Variants in PCDHA9 observed in about 807,000 individuals in gnomAD.
PCDHA9 encodes protocadherin alpha 9.
In PCDHA9, 62 loss-of-function variants were observed where a neutral mutation model predicts 62.0. The observed-to-expected ratio is 1.00, with a 90% CI of 0.81 to 1.23. The LOEUF is 1.23. PCDHA9 is among the 50% of genes most tolerant of loss of function. PCDHA9 has a pLI of 0.00. For synonymous variants in PCDHA9, 557 were observed against 567.6 expected, an observed-to-expected ratio of 0.98 and a Z score of 0.27; for missense variants, 1,205 against 1,249.8, an observed-to-expected ratio of 0.96 and a Z score of 0.54.
chr5:140,946,974 G>A (rs1554217987), intron 1 of PCDHA9, among the ~76,000 whole-genome samples: 1 of 151,636 alleles, frequency 6.6e-6, no homozygotes, highest in African/African-American at 2.4e-5. Context: ...TTATAGAATA[G>A]AGGATTTTGA....
chr5:140,944,058 G>A (rs185843356), intron 1 of PCDHA9, among the ~76,000 whole-genome samples: 116 of 152,248 alleles, frequency 7.6e-4, no homozygotes, highest in African/African-American at 2.7e-3. Flanking sequence ...ATACAAAAAG[G>A]TTTCTTGTTA....
chr5:140,863,406 G>A (rs1228817689), intron 1 of PCDHA9: 1 of 800,564 alleles, frequency 1.2e-6, no homozygotes, highest in East Asian at 4.2e-5. Context: ...GCAAGCCCAC[G>A]CTGGTGTACC....
chr5:140,851,823 GT>G, intron 1 of PCDHA9: 1 of 963,106 alleles, frequency 1.0e-6, no homozygotes, highest in Non-Finnish European at 1.3e-6. Context: ...ACAGAAATCT[GT>G]TTTTTTAAAA....
chr5:140,871,699 C>A, intron 1 of PCDHA9: 1 of 891,286 alleles, frequency 1.1e-6, no homozygotes. Context: ...CTTCTTTAAC[C>A]AATAAATGTC....
intron 1 of PCDHA9, among the ~76,000 whole-genome samples, chr5:140,900,317 G>A (rs188830675): frequency 3.3e-4 from 50 of 151,512 alleles, no homozygotes; most frequent in Non-Finnish European, 6.2e-4. Context: ...CACTTTTGTC[G>A]CCCAGGCTGG....
chr5:140,923,986 G>A (rs1482099424), intron 1 of PCDHA9, among the ~76,000 whole-genome samples: 2 of 152,074 alleles, frequency 1.3e-5, no homozygotes, highest in African/African-American at 2.4e-5. Flanking sequence ...ATCCCTCTAG[G>A]TGCAGCTCAG....
At chr5:141,001,303 A>G (rs2098006866) in intron 3 of PCDHA9, among the ~76,000 whole-genome samples, 2 of 152,182 alleles carry the variant, frequency 1.3e-5, no homozygotes, top group Admixed American at 1.3e-4. Context: ...GCCCAGAGAT[A>G]TGAAATAATT....
At chr5:140,855,178 G>T (rs1170062889) in intron 1 of PCDHA9, among the ~76,000 whole-genome samples, 1 of 149,594 alleles carries the variant, frequency 6.7e-6, no homozygotes, top group African/African-American at 2.5e-5. Flanking sequence ...AAACAAATGT[G>T]GCCAAATTGA....
chr5:140,858,218 G>A, intron 1 of PCDHA9: 1 of 1,596,494 alleles, frequency 6.3e-7, no homozygotes. Context: ...GTGCTCGGCG[G>A]CGCCCACCGA....
intron 1 of PCDHA9, among the ~76,000 whole-genome samples, chr5:140,976,780 A>G (rs2096731008): frequency 6.6e-6 from 1 of 152,224 alleles, no homozygotes; most frequent in Non-Finnish European, 1.5e-5. Context: ...CTCTGACTAT[A>G]TAGCTACGCT....
At chr5:140,981,327 A>C (rs1330138417) in intron 2 of PCDHA9, among the ~76,000 whole-genome samples, 1 of 152,196 alleles carries the variant, frequency 6.6e-6, no homozygotes, top group Non-Finnish European at 1.5e-5. Context: ...TAATCCCAGC[A>C]CTTTGGGAGG....
At chr5:140,871,497 G>T in intron 1 of PCDHA9, 1 of 1,586,946 alleles carries the variant, frequency 6.3e-7, no homozygotes, top group East Asian at 2.3e-5. Context: ...CCGGACAGGT[G>T]AGTTTTCTAC....
intron 1 of PCDHA9, chr5:140,968,074 C>T (rs781940696): frequency 1.2e-6 from 2 of 1,614,020 alleles, no homozygotes; most frequent in African/African-American, 1.3e-5. Context: ...CTGTCTACAA[C>T]ATCACGGTGA....
chr5:140,921,257 A>G lies in PCDHA9; in HGVS notation c.2395-57692A>G, dbSNP rs115706395. On this transcript the variant is annotated intron_variant, in intron 1 of 3. Coordinates refer to ENST00000532602, the MANE Select transcript of PCDHA9 (RefSeq NM_031857.2). The stretch of plus-strand genomic sequence containing the variant: ...ATTAAGCCACAGATCAAAAAGTCCT[A>G]GACTTTTATACTTACTTGAAAAAAA... 1.4e-3 allele frequency among the ~76,000 whole-genome samples: 213 copies of G among 152,258 alleles called. 1 individual carries two copies. The highest frequency in any genetic ancestry group is 4.8e-3 in the African/African-American group (199 of 41,532).
intron 1 of PCDHA9, among the ~76,000 whole-genome samples, chr5:140,930,820 A>T (rs2153606213): frequency 6.6e-6 from 1 of 152,346 alleles, no homozygotes; most frequent in East Asian, 1.9e-4. Flanking sequence ...TGCTTAGTAA[A>T]TGCTGACTGA....
intron 3 of PCDHA9, among the ~76,000 whole-genome samples, chr5:140,999,635 A>C (rs2097866612): frequency 6.6e-6 from 1 of 152,192 alleles, no homozygotes; most frequent in Non-Finnish European, 1.5e-5. Flanking sequence ...AAGGTAGAGA[A>C]AACTGTGCAG....
At chr5:140,870,778 G>GACA (rs2052395482) in intron 1 of PCDHA9, 1 of 1,613,502 alleles carries the variant, frequency 6.2e-7, no homozygotes, top group Non-Finnish European at 8.5e-7. Flanking sequence ...GGACGAGAAC[G>GACA]ACAACGCGCC....
intron 1 of PCDHA9, among the ~76,000 whole-genome samples, chr5:140,977,658 T>C (rs1332848343): frequency 6.6e-6 from 1 of 152,192 alleles, no homozygotes; most frequent in African/African-American, 2.4e-5. Context: ...TTTGGCTAAT[T>C]CTCTGCATGC....
At position 140,877,008 on chromosome 5, in the gene PCDHA9, G is replaced by A. The variant is rs368922456; in HGVS notation, c.2394+26119G>A. On this transcript the variant is annotated intron_variant, in intron 1 of 3. Coordinates refer to ENST00000532602, the MANE Select transcript of PCDHA9 (RefSeq NM_031857.2). Reference sequence around the variant, plus strand: ...TGTCGAGCTACGTGTCGGTGCACGCGGAGAGCGGCAAGGTGTACGCGCTGC... The same window carrying A: ...TGTCGAGCTACGTGTCGGTGCACGCAGAGAGCGGCAAGGTGTACGCGCTGC... 82 of 1,612,526 alleles carry A rather than the reference G, an allele frequency of 5.1e-5. No homozygotes were observed. The African/African-American group carries it at 9.3e-4, about 18-fold the overall frequency.
Sources: gnomAD v4.1 joint callset for allele counts (sites outside exome capture counted in the v4.1 genomes callset) on GRCh38, gnomAD v4.1.1 for gene constraint, MANE v1.5 for transcripts, NCBI Gene and HGNC (gene_info 2026-07-23, HGNC 2026-07-21) for gene names.